The following NAALADL2 variants were observed in gnomAD, a reference collection of about 807,000 sequenced individuals.
NAALADL2 encodes inactive N-acetylated-alpha-linked acidic dipeptidase-like protein 2.
NAALADL2 carries 76 observed loss-of-function variants against 87.2 expected under a neutral mutation model. That is an observed-to-expected ratio of 0.87 (90% CI 0.72 to 1.05). The LOEUF (loss-of-function observed/expected upper bound fraction) is 1.05. Ranked by LOEUF, NAALADL2 falls within the 50% of genes least tolerant of loss-of-function variation. The pLI is 0.00. For missense variants in NAALADL2, 1,089 were observed against 945.8 expected (o/e 1.15, Z -1.99); for synonymous variants, 354 against 331.0 (o/e 1.07, Z -0.75).
intron 5 of NAALADL2, among the ~76,000 whole-genome samples, chr3:175,351,999 G>A (rs1439622890): frequency 1.3e-5 from 2 of 152,026 alleles, no homozygotes; most frequent in Non-Finnish European, 2.9e-5. Context: ...TAACAGGATG[G>A]ACCCACACAC....
chr3:175,218,039 A>G (rs933333307), intron 2 of NAALADL2: 16 of 418,600 alleles, frequency 3.8e-5, no homozygotes, highest in Non-Finnish European at 7.1e-5. Flanking sequence ...AAAGTATTGC[A>G]GTGAATTTCA....
chr3:174,714,832 A>G (rs556079539), intron 2 of NAALADL2, among the ~76,000 whole-genome samples: 7 of 152,226 alleles, frequency 4.6e-5, no homozygotes, highest in South Asian at 4.1e-4. Context: ...TTCCAACACT[A>G]TGTTGAATAG....
At chr3:174,580,316 G>T (rs915350005) in intron 2 of NAALADL2, among the ~76,000 whole-genome samples, 2 of 151,964 alleles carry the variant, frequency 1.3e-5, no homozygotes, top group African/African-American at 4.8e-5. Context: ...TCATAATTAT[G>T]TCAAAAATAT....
intron 8 of NAALADL2, among the ~76,000 whole-genome samples, chr3:175,470,678 C>CAA (rs138607748): frequency 6.0e-5 from 9 of 149,672 alleles, no homozygotes; most frequent in African/African-American, 2.2e-4. Context: ...AATGCTTGCA[C>CAA]AAAAAAAAAC....
intron 9 of NAALADL2, among the ~76,000 whole-genome samples, chr3:175,487,875 A>T (rs59626408): frequency 0.032 from 4,845 of 152,256 alleles, 280 homozygotes; most frequent in African/African-American, 0.11. Flanking sequence ...GTTTGCTAGA[A>T]ATGCATGTTT....
chr3:175,787,292 C>T (rs1054265120), intron 13 of NAALADL2, among the ~76,000 whole-genome samples: 5 of 152,048 alleles, frequency 3.3e-5, no homozygotes, highest in African/African-American at 7.2e-5. Flanking sequence ...TGGGCAATGG[C>T]GGGTGCCCCT....
intron 1 of NAALADL2, among the ~76,000 whole-genome samples, chr3:175,031,725 G>C (rs1009132712): frequency 1.3e-5 from 2 of 151,992 alleles, no homozygotes; most frequent in African/African-American, 4.8e-5. Flanking sequence ...ACAAATGTAT[G>C]TTCCCACCAA....
chr3:174,763,001 T>C (rs1713249423), intron 3 of NAALADL2, among the ~76,000 whole-genome samples: 2 of 152,162 alleles, frequency 1.3e-5, no homozygotes, highest in South Asian at 2.1e-4. Flanking sequence ...TTACAAATAA[T>C]AACTGTAAAT....
chr3:174,746,856 G>T (rs1396012746), intron 3 of NAALADL2, among the ~76,000 whole-genome samples: 1 of 152,126 alleles, frequency 6.6e-6, no homozygotes, highest in Non-Finnish European at 1.5e-5. Context: ...AAATTGTGCT[G>T]GGAAAACTGG....
At chr3:174,673,621 G>A (rs1726773118) in intron 2 of NAALADL2, among the ~76,000 whole-genome samples, 1 of 147,352 alleles carries the variant, frequency 6.8e-6, no homozygotes, top group Non-Finnish European at 1.5e-5. Flanking sequence ...AGAGTAGAAT[G>A]ATAGTTACCA....
At chr3:174,884,153 T>G (rs1399015631) in intron 1 of NAALADL2, among the ~76,000 whole-genome samples, 2 of 152,122 alleles carry the variant, frequency 1.3e-5, no homozygotes, top group African/African-American at 4.8e-5. Flanking sequence ...CAGAATGTAA[T>G]GTCATGGGAA....
At chr3:174,652,839 A>G (rs1003141721) in intron 2 of NAALADL2, among the ~76,000 whole-genome samples, 8 of 152,232 alleles carry the variant, frequency 5.3e-5, no homozygotes, top group African/African-American at 1.9e-4. Flanking sequence ...CAAAGGGCAC[A>G]TAGATATCAA....
At chr3:174,821,291 T>C (rs2109332277) in intron 3 of NAALADL2, among the ~76,000 whole-genome samples, 1 of 152,282 alleles carries the variant, frequency 6.6e-6, no homozygotes, top group Admixed American at 6.5e-5. Flanking sequence ...TCCTCATTTA[T>C]ACTAATACGG....
At chr3:174,607,444 T>C (rs1719227332) in intron 2 of NAALADL2, among the ~76,000 whole-genome samples, 1 of 150,294 alleles carries the variant, frequency 6.7e-6, no homozygotes, top group Non-Finnish European at 1.5e-5. Context: ...GAGACACACA[T>C]AGGCTCAAAA....
intron 13 of NAALADL2, among the ~76,000 whole-genome samples, chr3:175,765,731 A>G (rs1406413018): frequency 1.3e-5 from 2 of 152,116 alleles, no homozygotes; most frequent in African/African-American, 2.4e-5. Flanking sequence ...GATGCATTGA[A>G]TAATTAAGAC....
At chr3:175,379,587 G>A (rs1288389418) in intron 5 of NAALADL2, among the ~76,000 whole-genome samples, 1 of 150,994 alleles carries the variant, frequency 6.6e-6, no homozygotes, top group Non-Finnish European at 1.5e-5. Context: ...AGACTGGAGT[G>A]CAGTGGTACA....
chr3:174,788,534 CCT>C (rs1717079276), intron 3 of NAALADL2, among the ~76,000 whole-genome samples: 1 of 152,082 alleles, frequency 6.6e-6, no homozygotes, highest in Non-Finnish European at 1.5e-5. Context: ...CATGGTCTTC[CCT>C]CTGTTTGTGT....
chr3:174,716,797 G>T (rs565712373), intron 2 of NAALADL2, among the ~76,000 whole-genome samples: 1 of 151,628 alleles, frequency 6.6e-6, no homozygotes, highest in African/African-American at 2.4e-5. Context: ...TGTACAGTTC[G>T]GTATGAAAAA....
intron 5 of NAALADL2, among the ~76,000 whole-genome samples, chr3:175,355,708 G>T (rs1020550625): frequency 1.3e-5 from 2 of 152,148 alleles, no homozygotes; most frequent in Admixed American, 6.5e-5. Flanking sequence ...TTCAGAAGAT[G>T]CCTGGGAATA....
Sources: allele counts gnomAD v4.1 joint callset (sites outside exome capture counted in the v4.1 genomes callset), GRCh38; gene constraint gnomAD v4.1.1; transcripts MANE v1.5; gene names NCBI Gene and HGNC (gene_info 2026-07-23, HGNC 2026-07-21).